The following SLC22A25 variants were observed in gnomAD, a reference collection of about 807,000 sequenced individuals.
SLC22A25 encodes MGI:2442751, MGI:2385316, MGI:3042283, MGI:3645714, MGI:3605624, MGI:2442750.
A neutral mutation model predicts 45.9 loss-of-function variants in SLC22A25; 44 were observed. The ratio of observed to expected loss-of-function variants is 0.96; its 90% CI spans 0.75 to 1.23. The LOEUF is 1.23. SLC22A25 is among the 50% of genes most tolerant of loss of function. The pLI is 0.00. For synonymous variants in SLC22A25, 283 were observed against 238.6 expected (o/e 1.19, Z -1.72); for missense variants, 800 against 666.4 (o/e 1.20, Z -2.21).
chr11:63,235,185 T>C (rs187674369), intron 3 of SLC22A25, among the ~76,000 whole-genome samples: 179 of 152,340 alleles, frequency 1.2e-3, no homozygotes, highest in African/African-American at 3.1e-3. Context: ...GTTTGAATGT[T>C]GGCCTGCCTT....
chr11:63,164,820 G>T (rs2087624807), intron 10 of SLC22A25, among the ~76,000 whole-genome samples, 186 bp from the exon 11 acceptor site: 1 of 152,204 alleles, frequency 6.6e-6, no homozygotes, highest in South Asian at 2.1e-4. Flanking sequence ...CCTACATATT[G>T]TGACTTAAAT....
Position 63,161,698 on chromosome 11 carries a change from G to A in SLC22A25, c.*2126C>T, listed in dbSNP as rs2087535050. ...GAGGCTTCACCAGCTATGTGGAACT[G>A]TGAGTCCATTAAACCTCTTTCCTTT... On this transcript the variant is annotated 3_prime_UTR_variant, in exon 12 of 12. Coordinates refer to ENST00000306494, the MANE Select transcript of SLC22A25 (RefSeq NM_199352.6). Among the ~76,000 whole-genome samples the A allele has an allele frequency of 6.6e-6, 1 of 152,230 alleles. No individual in the cohort carries two copies. Among genetic ancestry groups the A allele is most frequent in the Admixed American group, 6.5e-5 (1 of 15,286 alleles).
At chr11:63,184,968 T>C (rs1378461178) in intron 7 of SLC22A25, among the ~76,000 whole-genome samples, 1 of 152,026 alleles carries the variant, frequency 6.6e-6, no homozygotes, top group Non-Finnish European at 1.5e-5. Context: ...GGAATGAAGT[T>C]CACTGAGCTA....
At chr11:63,186,150 A>T (rs1478465494) in intron 7 of SLC22A25, among the ~76,000 whole-genome samples, 2 of 127,066 alleles carry the variant, frequency 1.6e-5, no homozygotes, top group Non-Finnish European at 3.4e-5. Flanking sequence ...ACTAGTTTAC[A>T]GTCCCACCGA....
chr11:63,177,528 C>T (rs2088136662), intron 9 of SLC22A25, among the ~76,000 whole-genome samples: 1 of 151,766 alleles, frequency 6.6e-6, no homozygotes, highest in East Asian at 1.9e-4. Context: ...TATTTTTGTA[C>T]CCATTAGCTC....
intron 9 of SLC22A25, among the ~76,000 whole-genome samples, chr11:63,173,994 T>G (rs1309396634): frequency 2.6e-5 from 4 of 151,734 alleles, no homozygotes; most frequent in Non-Finnish European, 5.9e-5. Flanking sequence ...GGTGGTTTGC[T>G]GCACCCATCA....
chr11:63,164,033 C>A lies in SLC22A25; in HGVS notation c.1435G>T (p.Gly479Trp). The A allele has an allele frequency of 6.2e-7, 1 of 1,610,414 alleles. No homozygotes were observed. Among genetic ancestry groups the A allele is most frequent in the South Asian group, 1.1e-5 (1 of 90,340 alleles). Residue 479 changes from glycine to tryptophan, a missense_variant, in exon 12 of 12, where the codon GGG (glycine) becomes TGG (tryptophan). Physicochemically the swap from Gly to Trp is radical, Grantham distance 184. Transcript: ENST00000306494. ...ATCATGAGGGAAGCCAGGGCTCCCC[C>A]AATATTAGCAAAGTTTCCAGTGATT... ...TGITGNFANIGGALASLMMIL... is the reference protein window; with the variant it reads ...TGITGNFANIWGALASLMMIL...
chr11:63,201,310 C>A (rs2089235617), intron 7 of SLC22A25, among the ~76,000 whole-genome samples: 1 of 152,060 alleles, frequency 6.6e-6, no homozygotes, highest in Admixed American at 6.6e-5. Flanking sequence ...AAAACAAACA[C>A]ATAGACCAAT....
intron 8 of SLC22A25, among the ~76,000 whole-genome samples, chr11:63,182,379 T>C (rs375690542): frequency 2.4e-4 from 37 of 152,152 alleles, no homozygotes; most frequent in African/African-American, 8.4e-4. Flanking sequence ...AGCTTTTATT[T>C]TCTTATTGGG....
At chr11:63,206,408 T>A (rs1265812982) in intron 7 of SLC22A25, among the ~76,000 whole-genome samples, 1 of 152,212 alleles carries the variant, frequency 6.6e-6, no homozygotes, top group Non-Finnish European at 1.5e-5. Context: ...GTCCAAAATC[T>A]TCTTAAGCTG....
At chr11:63,167,957 TC>T in intron 9 of SLC22A25, 1 of 399,720 alleles carries the variant, frequency 2.5e-6, no homozygotes, top group Admixed American at 2.7e-5. Flanking sequence ...AAATGAAGCT[TC>T]CAGAGGAAGG....
At chr11:63,214,571 C>A (rs1451842680) in intron 7 of SLC22A25, among the ~76,000 whole-genome samples, 1 of 152,180 alleles carries the variant, frequency 6.6e-6, no homozygotes, top group African/African-American at 2.4e-5. Context: ...TGTGAAGACC[C>A]TGTTTCTCTA....
intron 7 of SLC22A25, among the ~76,000 whole-genome samples, chr11:63,197,879 G>T (rs1256958024): frequency 2.0e-5 from 3 of 151,252 alleles, no homozygotes; most frequent in African/African-American, 7.3e-5. Context: ...AATTTACAAG[G>T]AAAAATGAAA....
chr11:63,223,813 G>A (rs759176787), intron 5 of SLC22A25, among the ~76,000 whole-genome samples: 31 of 151,800 alleles, frequency 2.0e-4, no homozygotes, highest in African/African-American at 5.6e-4. Flanking sequence ...GGTATATTGC[G>A]TTTCCATTAT....
intron 9 of SLC22A25, among the ~76,000 whole-genome samples, chr11:63,177,824 GTA>G (rs1196834980): frequency 7.3e-6 from 1 of 136,444 alleles, no homozygotes; most frequent in African/African-American, 2.9e-5. Context: ...TATATATAAT[GTA>G]TATATATAAT....
chr11:63,186,968 T>C (rs2088578608), intron 7 of SLC22A25, among the ~76,000 whole-genome samples: 1 of 152,218 alleles, frequency 6.6e-6, no homozygotes, highest in Non-Finnish European at 1.5e-5. Flanking sequence ...GAGTTTGAAG[T>C]CAGGTAGCAT....
In SLC22A25 at chr11:63,163,219, A is replaced by G. The variant is rs901045128; in HGVS notation, c.*605T>C. Among the ~76,000 whole-genome samples the G allele has an allele frequency of 2.6e-5, 4 of 152,188 alleles. No individual in the cohort carries two copies. The highest frequency in any genetic ancestry group is 6.5e-5 in the Admixed American group (1 of 15,268). Reference sequence around the variant, plus strand: ...GGACACCATGGCATTGACCAAAGGGATTTTGGAAAAGGCAAGAGAAGCACA... The same window carrying G: ...GGACACCATGGCATTGACCAAAGGGGTTTTGGAAAAGGCAAGAGAAGCACA... On this transcript the variant is annotated 3_prime_UTR_variant, in exon 12 of 12. Coordinates refer to ENST00000306494, the MANE Select transcript of SLC22A25 (RefSeq NM_199352.6).
At chr11:63,215,974 A>G (rs966745968) in intron 7 of SLC22A25, among the ~76,000 whole-genome samples, 5 of 152,126 alleles carry the variant, frequency 3.3e-5, no homozygotes, top group Non-Finnish European at 5.9e-5. Context: ...TTGCATAATC[A>G]TGGTGTGTAA....
chr11:63,228,778 A>G (rs12420866), intron 4 of SLC22A25, among the ~76,000 whole-genome samples: 17,233 of 152,196 alleles, frequency 0.11, 1,242 homozygotes, highest in Middle Eastern at 0.17. Flanking sequence ...GCCCAGTTTT[A>G]TTCCATACTA....
Sources: gnomAD v4.1 joint callset for allele counts (sites outside exome capture counted in the v4.1 genomes callset) on GRCh38, gnomAD v4.1.1 for gene constraint, MANE v1.5 for transcripts, NCBI Gene and HGNC (gene_info 2026-07-23, HGNC 2026-07-21) for gene names.